Variants in CASS4 observed in about 807,000 individuals in gnomAD.
CASS4 encodes the protein cas scaffolding protein family member 4.
A neutral mutation model predicts 54.2 loss-of-function variants in CASS4; 22 were observed. That is an observed-to-expected ratio of 0.41 (90% CI 0.29 to 0.58). CASS4 has a LOEUF of 0.58. Among genes scored for constraint, CASS4 ranks in the 20% least tolerant of loss-of-function variants. CASS4 has a pLI of 0.36. For missense variants in CASS4, 854 were observed against 986.7 expected (o/e 0.87, Z 1.80); for synonymous variants, 409 against 391.5 (o/e 1.04, Z -0.53).
At position 56,460,144 on chromosome 20, in the gene CASS4, G is replaced by A. The variant is rs747250147; in HGVS notation, c.*1397G>A. On this transcript the variant is annotated 3_prime_UTR_variant, in exon 6 of 6. Coordinates refer to ENST00000679887, the MANE Select transcript of CASS4 (RefSeq NM_020356.4). Reference sequence around the variant, plus strand: ...ATGTTACTTTAACCTAAAGATAGATGTTATATTTACAACATAACATGATCT... The same window carrying A: ...ATGTTACTTTAACCTAAAGATAGATATTATATTTACAACATAACATGATCT... 3 of 152,480 alleles carry A rather than the reference G, an allele frequency of 2.0e-5. No individual in the cohort carries two copies. Among genetic ancestry groups the A allele is most frequent in the Non-Finnish European group, 4.4e-5 (3 of 67,958 alleles). 9.4% of individuals were successfully genotyped at this position (152,480 alleles called of 1,614,324 possible).
intron 2 of CASS4, among the ~76,000 whole-genome samples, chr20:56,440,426 C>T (rs976939253): frequency 2.0e-5 from 3 of 152,168 alleles, no homozygotes; most frequent in Non-Finnish European, 2.9e-5. Flanking sequence ...AAAACAGATG[C>T]GCTGTCCTCT....
At chr20:56,453,200 C>CCTA in intron 5 of CASS4, 71 bp downstream of exon 5, 1 of 1,111,138 alleles carries the variant, frequency 9.0e-7, no homozygotes, top group Non-Finnish European at 1.3e-6. Flanking sequence ...TACTAAGATG[C>CCTA]TGAGACTCTT....
intron 3 of CASS4, among the ~76,000 whole-genome samples, chr20:56,449,801 C>A (rs1980905203): frequency 6.6e-6 from 1 of 152,010 alleles, no homozygotes; most frequent in Non-Finnish European, 1.5e-5. Context: ...ACAGTGTCAT[C>A]CAGCTTCGTG....
At chr20:56,424,513 G>T (rs1979549199) in intron 1 of CASS4, among the ~76,000 whole-genome samples, 1 of 152,082 alleles carries the variant, frequency 6.6e-6, no homozygotes, top group African/African-American at 2.4e-5. Context: ...GGTCAAGGCG[G>T]GTGGATCATC....
At chr20:56,432,797 G>A (rs1305815401) in intron 1 of CASS4, among the ~76,000 whole-genome samples, 1 of 152,158 alleles carries the variant, frequency 6.6e-6, no homozygotes, top group Non-Finnish European at 1.5e-5. Context: ...ACACATTCAA[G>A]GGATAATGAT....
rs1028386333 is a variant in CASS4, at chr20:56,458,939, A to G, written c.*192A>G. ...GACTTACCCCGCAGGGGGTCAGGAA[A>G]GAGAGTCAGGTATGAGGTAAAGACC... On this transcript the variant is annotated 3_prime_UTR_variant, in exon 6 of 6. Transcript: ENST00000679887. The G allele has an allele frequency of 1.4e-5, 8 of 585,598 alleles. No individual in the cohort carries two copies. Among genetic ancestry groups the G allele is most frequent in the African/African-American group, 9.3e-5 (5 of 53,794 alleles). 36.3% of individuals were successfully genotyped at this position (585,598 alleles called of 1,614,324 possible).
At chr20:56,424,037 C>CA (rs1264121103) in intron 1 of CASS4, among the ~76,000 whole-genome samples, 3 of 151,982 alleles carry the variant, frequency 2.0e-5, no homozygotes, top group Admixed American at 6.6e-5. Context: ...ATATTAATCA[C>CA]AAAAAAAGGC....
At chr20:56,433,554 C>G (rs1229703179) in intron 1 of CASS4, among the ~76,000 whole-genome samples, 2 of 152,154 alleles carry the variant, frequency 1.3e-5, no homozygotes, top group African/African-American at 4.8e-5. Flanking sequence ...CCCTGAAAAA[C>G]TCGAGGACGA....
At position 56,437,259 on chromosome 20, in the gene CASS4, C is replaced by G. The variant is rs763578592; in HGVS notation, c.132C>G (p.His44Gln). 3.1e-6 allele frequency: 5 copies of G among 1,613,890 alleles called. No individual in the cohort carries two copies. In the South Asian group the frequency reaches 4.4e-5, roughly 14 times the overall value. The change falls in exon 2 of 6, where the codon CAC becomes CAG. Residue 44 changes from histidine to glutamine, a missense_variant. Coordinates refer to ENST00000679887, the MANE Select transcript of CASS4 (RefSeq NM_020356.4). This position sits in a 1 kb window ranked among gnomAD's most constrained non-coding sequence, Gnocchi z 4.7. ...RGDILTILEQ[H>Q]VPESEGWWKC... ...ACATCCTGACCATTCTGGAGCAACA[C>G]GTGCCAGAAAGCGAGGGTTGGTGGA...
chr20:56,447,341 C>T (rs916395573), intron 3 of CASS4, among the ~76,000 whole-genome samples: 3 of 152,226 alleles, frequency 2.0e-5, no homozygotes, highest in Non-Finnish European at 4.4e-5. Flanking sequence ...GCTCCTGCTG[C>T]CCAGCTTGGG....
chr20:56,446,105 A>G (rs1442234790), intron 3 of CASS4, 104 bp downstream of exon 3: 2 of 730,604 alleles, frequency 2.7e-6, no homozygotes, highest in Non-Finnish European at 4.5e-6. Flanking sequence ...CATGGCGGCC[A>G]GGGGCTCAGC....
In CASS4 at chr20:56,459,510, TG is replaced by T; in HGVS notation, c.*767del. On this transcript the variant is annotated 3_prime_UTR_variant, in exon 6 of 6. Transcript: ENST00000679887. ...ATTACCAGTTTTCATCTGAATCCAC[TG>T]GGGAGTGGGGCGATTTTGTTTTAAT... The T allele has an allele frequency of 3.9e-6, 1 of 255,452 alleles. No homozygotes were observed. 15.8% of individuals were successfully genotyped at this position (255,452 alleles called of 1,614,324 possible).
intron 5 of CASS4, among the ~76,000 whole-genome samples, chr20:56,456,380 C>CTTT (rs35814212): frequency 6.7e-6 from 1 of 148,898 alleles, no homozygotes; most frequent in Non-Finnish European, 1.5e-5. Context: ...CTAAACTCTT[C>CTTT]TTTTTTTTTT....
chr20:56,446,309 T>C lies in CASS4; in HGVS notation c.561+308T>C, dbSNP rs570893782. On this transcript the variant is annotated intron_variant, in intron 3 of 5. Transcript: ENST00000679887. ...TCTTGCTTTGTTGACCAGGCTGGTC[T>C]CGAACTCCTGGCCTCAAGCAATCCT... is the stretch of plus-strand genomic sequence containing the variant. Among the ~76,000 whole-genome samples the C allele has an allele frequency of 1.6e-4, 25 of 152,320 alleles. 1 individual carries two copies. Among genetic ancestry groups the C allele is most frequent in the Admixed American group, 6.5e-4 (10 of 15,306 alleles).
At chr20:56,422,611 GC>G (rs142337319) in intron 1 of CASS4, among the ~76,000 whole-genome samples, 17,564 of 152,098 alleles carry the variant, frequency 0.12, 1,185 homozygotes, top group South Asian at 0.16. Context: ...TTTTTTTCTG[GC>G]CACAACCTCC....
chr20:56,438,953 G>T (rs1011219017), intron 2 of CASS4, among the ~76,000 whole-genome samples: 1 of 152,232 alleles, frequency 6.6e-6, no homozygotes, highest in African/African-American at 2.4e-5. Flanking sequence ...AGAAGAACAT[G>T]CTCCAGGCAT....
rs183155890 is a variant in CASS4, at chr20:56,412,450, A to G, written c.-9A>G. On this transcript the variant is annotated 5_prime_UTR_variant, in exon 1 of 6. Transcript: ENST00000679887. The surrounding 1 kb of genome is among the most constrained non-coding windows in gnomAD (Gnocchi z 4.2). ...GCAGAGCTCAGGGGAGCTGCTCCACATCACCGACATGAAGGGAACAGGCAT... is the reference window on the plus strand; with the variant it reads ...GCAGAGCTCAGGGGAGCTGCTCCACGTCACCGACATGAAGGGAACAGGCAT... 190 of 1,612,274 alleles carry G rather than the reference A, an allele frequency of 1.2e-4. No individual in the cohort carries two copies. The Admixed American group carries it at 3.0e-3, about 25-fold the overall frequency.
chr20:56,416,260 G>A (rs1415866656), intron 1 of CASS4, among the ~76,000 whole-genome samples: 1 of 152,162 alleles, frequency 6.6e-6, no homozygotes. Context: ...ATATTGGCCA[G>A]GCTGGTCTCG....
Position 56,453,124 on chromosome 20 carries a change from G to A in CASS4, c.1948G>A (p.Gly650Arg). ...LLKKNRANIC[G>R]QNPGPLIPQP... ...AAAGAAAAATAGGGCAAATATCTGT[G>A]GACAGGTGAGTTCAGAGTTCCAAGT... Residue 650 changes from glycine to arginine, a missense_variant, in exon 5 of 6, where the codon GGA becomes AGA. Physicochemically the swap from Gly to Arg is moderately radical, Grantham distance 125 (BLOSUM62 -2). Transcript: ENST00000679887. 1 of 1,610,424 alleles carries A rather than the reference G, an allele frequency of 6.2e-7. No homozygotes were observed. Among genetic ancestry groups the A allele is most frequent in the Non-Finnish European group, 8.5e-7 (1 of 1,178,400 alleles).
Sources: gnomAD v4.1 joint callset for allele counts (sites outside exome capture counted in the v4.1 genomes callset) on GRCh38, gnomAD v4.1.1 for gene constraint, Gnocchi (gnomAD v3.1) non-coding constraint, MANE v1.5 for transcripts, NCBI Gene and HGNC (gene_info 2026-07-23, HGNC 2026-07-21) for gene names.